Variants in CALN1 observed in about 807,000 individuals in gnomAD.
CALN1 encodes the protein calcium-binding protein 8.
CALN1 carries 17 observed loss-of-function variants against 30.6 expected under a neutral mutation model. The observed-to-expected ratio is 0.56, with a 90% CI of 0.38 to 0.83. The LOEUF (loss-of-function observed/expected upper bound fraction) is 0.83. Among genes scored for constraint, CALN1 ranks in the 40% least tolerant of loss-of-function variants. The pLI is 0.00. For synonymous variants in CALN1, 156 were observed against 131.4 expected, an observed-to-expected ratio of 1.19 and a Z score of -1.28; for missense variants, 291 against 354.9, an observed-to-expected ratio of 0.82 and a Z score of 1.45.
At chr7:72,006,536 AC>A (rs2129528908) in intron 5 of CALN1, among the ~76,000 whole-genome samples, 1 of 152,234 alleles carries the variant, frequency 6.6e-6, no homozygotes, top group African/African-American at 2.4e-5. Context: ...TAATTCTGAC[AC>A]GATGATTTTT....
chr7:72,417,756 T>C (rs1196703542), intron 1 of CALN1, among the ~76,000 whole-genome samples: 1 of 152,158 alleles, frequency 6.6e-6, no homozygotes, highest in Non-Finnish European at 1.5e-5. Context: ...TCATTAGTCA[T>C]GGTTGTGGGA....
At chr7:72,284,854 A>G (rs1797979104) in intron 2 of CALN1, among the ~76,000 whole-genome samples, 2 of 152,142 alleles carry the variant, frequency 1.3e-5, no homozygotes, top group African/African-American at 4.8e-5. Flanking sequence ...GATATATGAT[A>G]GATGATGGAT....
chr7:72,424,979 G>C (rs1328984278), intron 1 of CALN1, among the ~76,000 whole-genome samples: 1 of 152,074 alleles, frequency 6.6e-6, no homozygotes, highest in Non-Finnish European at 1.5e-5. Flanking sequence ...TTTCTCTCCT[G>C]AGCCTGAGGA....
intron 5 of CALN1, among the ~76,000 whole-genome samples, chr7:71,995,735 A>G (rs1425214381): frequency 1.3e-5 from 2 of 151,868 alleles, no homozygotes; most frequent in African/African-American, 4.8e-5. Context: ...TCACCAAAAT[A>G]TAACACGACA....
At chr7:71,955,087 A>G (rs541142202) in intron 5 of CALN1, among the ~76,000 whole-genome samples, 1 of 152,314 alleles carries the variant, frequency 6.6e-6, no homozygotes, top group Admixed American at 6.5e-5. Context: ...TCACAGTCCC[A>G]CATGGCTGGG....
At chr7:72,117,086 G>A (rs1011137586) in intron 3 of CALN1, among the ~76,000 whole-genome samples, 26 of 152,126 alleles carry the variant, frequency 1.7e-4, no homozygotes, top group African/African-American at 6.0e-4. Context: ...GCCAAGACAG[G>A]AGGATCATTT....
At chr7:72,313,224 C>T (rs1164771746) in intron 2 of CALN1, among the ~76,000 whole-genome samples, 2 of 152,058 alleles carry the variant, frequency 1.3e-5, no homozygotes, top group Non-Finnish European at 2.9e-5. Context: ...TAGAGGTCAA[C>T]CCAGATGAGT....
chr7:71,829,690 A>G lies in CALN1; in HGVS notation c.502-19198T>C, dbSNP rs532618094. ...AAGCTGTGAATAGCCTCTAGAGTAA[A>G]GTGGGATGCAGGTGGAGTTCTCAAC... is the stretch of plus-strand genomic sequence containing the variant. On this transcript the variant is annotated intron_variant, in intron 5 of 6. Coordinates refer to ENST00000395275, the MANE Select transcript of CALN1 (RefSeq NM_031468.4). Among the ~76,000 whole-genome samples, 4 of 152,292 alleles carry G rather than the reference A, an allele frequency of 2.6e-5. No homozygotes were observed. In the South Asian group the frequency reaches 8.3e-4, roughly 32 times the overall value.
intron 3 of CALN1, among the ~76,000 whole-genome samples, chr7:72,246,441 T>C (rs1487152837): frequency 6.6e-6 from 1 of 152,138 alleles, no homozygotes; most frequent in Admixed American, 6.6e-5. Flanking sequence ...GTGTCCTCCC[T>C]GGGAAGCCCC....
At chr7:72,164,545 G>A (rs1393776677) in intron 3 of CALN1, among the ~76,000 whole-genome samples, 1 of 152,192 alleles carries the variant, frequency 6.6e-6, no homozygotes, top group Non-Finnish European at 1.5e-5. Context: ...CCACAGCCCA[G>A]CTGACACCTT....
intron 5 of CALN1, among the ~76,000 whole-genome samples, chr7:71,922,691 A>G (rs1381832621): frequency 7.2e-6 from 1 of 139,276 alleles, no homozygotes; most frequent in Non-Finnish European, 1.5e-5. Flanking sequence ...ATATATAAAT[A>G]TATAACATAC....
At chr7:72,040,201 T>C (rs1563001247) in intron 4 of CALN1, among the ~76,000 whole-genome samples, 1 of 152,018 alleles carries the variant, frequency 6.6e-6, no homozygotes, top group Non-Finnish European at 1.5e-5. Flanking sequence ...AGGCTGGGCA[T>C]GGGTGGTTCA....
intron 5 of CALN1, among the ~76,000 whole-genome samples, chr7:71,979,526 G>A (rs1319360398): frequency 6.6e-6 from 1 of 152,132 alleles, no homozygotes; most frequent in African/African-American, 2.4e-5. Context: ...TGATCTGGCA[G>A]GAGGCAGAGC....
At chr7:72,006,818 C>A (rs1281196115) in intron 5 of CALN1, among the ~76,000 whole-genome samples, 3 of 152,174 alleles carry the variant, frequency 2.0e-5, no homozygotes, top group Non-Finnish European at 2.9e-5. Context: ...CACACCATCT[C>A]AGCTCCTCCA....
intron 5 of CALN1, among the ~76,000 whole-genome samples, chr7:71,869,839 C>A (rs1205580118): frequency 3.3e-5 from 5 of 152,118 alleles, no homozygotes; most frequent in African/African-American, 1.2e-4. Flanking sequence ...GTGAGTGAAA[C>A]TGCGAGTTGC....
chr7:71,977,795 G>T (rs1206227843), intron 5 of CALN1, among the ~76,000 whole-genome samples: 1 of 152,026 alleles, frequency 6.6e-6, no homozygotes, highest in Non-Finnish European at 1.5e-5. Context: ...AACCGTGCAT[G>T]GTGGCGGGCG....
rs73361186 is a variant in CALN1 at position 72,317,366 on chromosome 7, T to G, written c.120-38556A>C. 4.6e-3 allele frequency among the ~76,000 whole-genome samples: 695 copies of G among 152,196 alleles called. 6 individuals are homozygous for G. The highest frequency in any genetic ancestry group is 0.016 in the African/African-American group (661 of 41,536). ...CAGCAGCAGTTTTCTCCTGGGGAAA[T>G]CCCTGTTAGGTTGGTGAGTCTTACA... On this transcript the variant is annotated intron_variant, in intron 2 of 6. Coordinates refer to ENST00000395275, the MANE Select transcript of CALN1 (RefSeq NM_031468.4).
intron 3 of CALN1, among the ~76,000 whole-genome samples, chr7:72,107,167 A>T (rs893824294): frequency 1.3e-5 from 2 of 152,074 alleles, no homozygotes; most frequent in African/African-American, 4.8e-5. Context: ...AGCAAAGATG[A>T]GGATTTGGTT....
chr7:72,414,444 G>C (rs993909410), upstream of CALN1, among the ~76,000 whole-genome samples: 1 of 152,156 alleles, frequency 6.6e-6, no homozygotes, highest in Non-Finnish European at 1.5e-5. Context: ...TGCCAGACCA[G>C]GGGTCCTGGG....
Sources: allele counts gnomAD v4.1 joint callset (sites outside exome capture counted in the v4.1 genomes callset), GRCh38; gene constraint gnomAD v4.1.1; transcripts MANE v1.5; gene names NCBI Gene and HGNC (gene_info 2026-07-23, HGNC 2026-07-21).